The following BZW1 variants were observed in gnomAD, a reference collection of about 807,000 sequenced individuals.
The protein encoded by BZW1 is eIF5-mimic protein 2.
In BZW1, 3 loss-of-function variants were observed where a neutral mutation model predicts 54.1. The ratio of observed to expected loss-of-function variants is 0.06; its 90% CI spans 0.03 to 0.14. The LOEUF (loss-of-function observed/expected upper bound fraction) is 0.14, where lower values mean the gene tolerates loss of function less well. BZW1 is among the 10% of genes least tolerant of loss of function. The pLI, the probability that BZW1 is intolerant of heterozygous loss-of-function variation, is 1.00. For missense variants in BZW1, 206 were observed against 491.7 expected, an observed-to-expected ratio of 0.42 and a Z score of 5.50; for synonymous variants, 152 against 162.7, an observed-to-expected ratio of 0.93 and a Z score of 0.50.
rs1288809347 is a variant in BZW1, at chr2:200,826,401, ATAGATATTTTTT to A, written c.*4225_*4236del. 0.025 allele frequency: 1,606 copies of A among 65,042 alleles called. 105 individuals are homozygous for A. The highest frequency in any genetic ancestry group is 0.084 in the African/African-American group (1,500 of 17,962). 4.0% of individuals were successfully genotyped at this position (65,042 alleles called of 1,614,324 possible). A position where few individuals can be genotyped will look rare whatever the true frequency, so the allele number is the denominator to read the frequency against. ...GATAGATAGATAGATAGATAGATAG[ATAGATATTTTTT>A]TTTTTTTTTTTTTTTTTTTTTTTTT... On this transcript the variant is annotated 3_prime_UTR_variant, in exon 12 of 12. Coordinates refer to ENST00000409600, the MANE Select transcript of BZW1 (RefSeq NM_001207067.2).
At position 200,821,137 on chromosome 2, in the gene BZW1, G is replaced by T. The variant is rs201668856; in HGVS notation, c.1106-46G>T. 9.2e-4 allele frequency: 1,472 copies of T among 1,604,670 alleles called. 2 individuals are homozygous for T. The highest frequency in any genetic ancestry group is 1.5e-3 in the South Asian group (131 of 90,218). Reference sequence around the variant, plus strand: ...CATTAGGTGGTGGTTCTAACGCTGAGTAGAGTATATTAAAACTCCCTTAAT... The same window carrying T: ...CATTAGGTGGTGGTTCTAACGCTGATTAGAGTATATTAAAACTCCCTTAAT... On this transcript the variant is annotated intron_variant, in intron 10 of 11. Coordinates refer to ENST00000409600, the MANE Select transcript of BZW1 (RefSeq NM_001207067.2).
In BZW1 at chr2:200,825,906, A is replaced by G. The variant is rs2038677011; in HGVS notation, c.*3728A>G. 6.6e-6 allele frequency: 1 copy of G among 152,218 alleles called. No individual in the cohort carries two copies. The highest frequency in any genetic ancestry group is 2.4e-5 in the African/African-American group (1 of 41,450). The allele number at this position is 152,218 out of a possible 1,614,324, so 9.4% of individuals were successfully genotyped here. On this transcript the variant is annotated 3_prime_UTR_variant, in exon 12 of 12. Transcript: ENST00000409600. ...CAGATGCTGTCTACAGGTGCCATAT[A>G]AAATAGGTTGATAAGTATTTGCAAA...
At position 200,818,538 on chromosome 2, in the gene BZW1, A is replaced by G. The variant is rs892227803; in HGVS notation, c.819+145A>G. On this transcript the variant is annotated intron_variant, in intron 8 of 11. Coordinates refer to ENST00000409600, the MANE Select transcript of BZW1 (RefSeq NM_001207067.2). ...GGAACTTTGCCTCATTCTTTTGCAT[A>G]TGCTTCTTCAGTGCCTGACTGAGGC... 4 of 1,118,270 alleles carry G rather than the reference A, an allele frequency of 3.6e-6. No homozygotes were observed. The African/African-American group carries it at 4.7e-5, about 13-fold the overall frequency. 69.3% of individuals were successfully genotyped at this position (1,118,270 alleles called of 1,614,324 possible).
chr2:200,812,364 T>TGCG, intron 1 of BZW1: 1 of 1,283,294 alleles, frequency 7.8e-7, no homozygotes, highest in Non-Finnish European at 9.8e-7. Context: ...CCACCACCGC[T>TGCG]GCGGCCGCCG....
chr2:200,821,154 TC>T, intron 10 of BZW1, 28 bp from the exon 11 acceptor site: 1 of 1,608,852 alleles, frequency 6.2e-7, no homozygotes, highest in Non-Finnish European at 8.5e-7. Context: ...ATATTAAAAC[TC>T]CCTTAATGCA....
Position 200,813,213 on chromosome 2 carries a change from C to CTT in BZW1, c.-2_-1dup. On this transcript the variant is annotated 5_prime_UTR_variant, in exon 2 of 12. Coordinates refer to ENST00000409600, the MANE Select transcript of BZW1 (RefSeq NM_001207067.2). ...CTTTATTTCTCCTTTCCTAGGGTGT[C>CTT]TTTTATGAATAATCAAAAGCAGCAA... 6.2e-7 allele frequency: 1 copy of CTT among 1,613,018 alleles called. No homozygotes were observed. Among genetic ancestry groups the CTT allele is most frequent in the South Asian group, 1.1e-5 (1 of 91,052 alleles).
At chr2:200,820,795 C>T (rs2038480397) in intron 10 of BZW1, among the ~76,000 whole-genome samples, 1 of 152,170 alleles carries the variant, frequency 6.6e-6, no homozygotes, top group African/African-American at 2.4e-5. Flanking sequence ...CATCTTACTC[C>T]CCCACCCAGT....
intron 4 of BZW1, among the ~76,000 whole-genome samples, chr2:200,816,049 T>C (rs1309208099): frequency 6.6e-6 from 1 of 152,264 alleles, no homozygotes; most frequent in Non-Finnish European, 1.5e-5. Context: ...GTGATTTCTC[T>C]AGTTTATCTG....
At position 200,822,216 on chromosome 2, in the gene BZW1, T is replaced by G; in HGVS notation, c.*38T>G. Reference sequence around the variant, plus strand: ...CACCCTCAGTAAAGCAAACAGGAGTTGTAGATAAAATGTCATGTCTCATGT... The same window carrying G: ...CACCCTCAGTAAAGCAAACAGGAGTGGTAGATAAAATGTCATGTCTCATGT... On this transcript the variant is annotated 3_prime_UTR_variant, in exon 12 of 12. Transcript: ENST00000409600. 6.5e-7 allele frequency: 1 copy of G among 1,526,746 alleles called. No homozygotes were observed. Among genetic ancestry groups the G allele is most frequent in the African/African-American group, 1.4e-5 (1 of 73,068 alleles). The allele number at this position is 1,526,746 out of a possible 1,614,324, so 94.6% of individuals were successfully genotyped here.
chr2:200,826,422 T>TGA lies in BZW1; in HGVS notation c.*4244_*4245insGA, dbSNP rs1559318464. On this transcript the variant is annotated 3_prime_UTR_variant, in exon 12 of 12. Transcript: ENST00000409600. ...ATAGATAGATATTTTTTTTTTTTTT[T>TGA]TTTTTTTTTTTTTTTTTTTTGAGAC... 3.0e-5 allele frequency: 3 copies of TGA among 99,786 alleles called. No homozygotes were observed. The highest frequency in any genetic ancestry group is 3.5e-4 in the South Asian group (1 of 2,868). 6.2% of individuals were successfully genotyped at this position (99,786 alleles called of 1,614,324 possible). A position where few individuals can be genotyped will look rare whatever the true frequency, so the allele number is the denominator to read the frequency against.
chr2:200,818,183 T>G, intron 7 of BZW1, 40 bp from the exon 8 acceptor site: 1 of 1,520,712 alleles, frequency 6.6e-7, no homozygotes, highest in African/African-American at 1.4e-5. Context: ...TTTCTTAATC[T>G]GATTTAAAGA....
intron 1 of BZW1, 193 bp from the exon 2 acceptor site, chr2:200,813,013 GAA>G (rs756146568): frequency 5.8e-6 from 4 of 695,420 alleles, no homozygotes; most frequent in African/African-American, 3.5e-5. Context: ...CTTGTAGAGA[GAA>G]ATGCACATTT....
rs1323272976 is a variant in BZW1 at position 200,824,260 on chromosome 2, C to G, written c.*2082C>G. ...AGATTCCATTCCATATAAAAAGATT[C>G]CATTCTGAATCTTAAGTGGTAATTT... On this transcript the variant is annotated 3_prime_UTR_variant, in exon 12 of 12. Coordinates refer to ENST00000409600, the MANE Select transcript of BZW1 (RefSeq NM_001207067.2). 1 of 152,152 alleles carries G rather than the reference C, an allele frequency of 6.6e-6. No homozygotes were observed. Among genetic ancestry groups the G allele is most frequent in the East Asian group, 1.9e-4 (1 of 5,204 alleles). The allele number at this position is 152,152 out of a possible 1,614,324, so 9.4% of individuals were successfully genotyped here.
At chr2:200,813,493 AAGCCGG>A in intron 2 of BZW1, 1 of 423,116 alleles carries the variant, frequency 2.4e-6, no homozygotes, top group Admixed American at 4.1e-5. Flanking sequence ...ATATATCTCT[AAGCCGG>A]TTAGTGAATC....
At chr2:200,820,345 C>T (rs970753119) in intron 10 of BZW1, 15 of 385,926 alleles carry the variant, frequency 3.9e-5, no homozygotes, top group Admixed American at 1.8e-4. Context: ...CATCATTATG[C>T]GTCCTCAAAC....
Position 200,821,040 on chromosome 2 carries a change from G to GT in BZW1, c.1106-142dup, listed in dbSNP as rs2038489369. The GT allele has an allele frequency of 3.5e-5, 35 of 986,558 alleles. No homozygotes were observed. In the South Asian group the frequency reaches 5.4e-4, roughly 15 times the overall value. 61.1% of individuals were successfully genotyped at this position (986,558 alleles called of 1,614,324 possible). A position where few individuals can be genotyped will look rare whatever the true frequency, so the allele number is the denominator to read the frequency against. On this transcript the variant is annotated intron_variant, in intron 10 of 11. Coordinates refer to ENST00000409600, the MANE Select transcript of BZW1 (RefSeq NM_001207067.2). ...TTGAGTGTAGTTGGTATGCGCACATGTATTATTATCTTCCATTTCTCATGG... is the reference window on the plus strand; with the variant it reads ...TTGAGTGTAGTTGGTATGCGCACATGTTATTATTATCTTCCATTTCTCATGG...
In BZW1 at chr2:200,817,968, T is replaced by C. The variant is rs773025667; in HGVS notation, c.539-6T>C. 6 of 1,541,950 alleles carry C rather than the reference T, an allele frequency of 3.9e-6. No homozygotes were observed. The South Asian group carries it at 7.2e-5, about 18-fold the overall frequency. On this transcript the variant is annotated splice_polypyrimidine_tract_variant and splice_region_variant and intron_variant, in intron 6 of 11. Coordinates refer to ENST00000409600, the MANE Select transcript of BZW1 (RefSeq NM_001207067.2). ...CTTCTGTTAATTAAGCTATTTTCTT[T>C]TACAGGAGTTTCAGCAGCTTTTGCT...
chr2:200,820,271 G>T, intron 10 of BZW1, 151 bp downstream of exon 10: 1 of 629,696 alleles, frequency 1.6e-6, no homozygotes, highest in Middle Eastern at 3.6e-4. Flanking sequence ...GTGCTTTTTA[G>T]TGCACTGATA....
upstream of BZW1, chr2:200,811,822 T>A (rs1201261895): frequency 6.1e-6 from 1 of 164,516 alleles, no homozygotes; most frequent in African/African-American, 2.4e-5. Flanking sequence ...GAAGCGCCTG[T>A]CCACGATCAG....
Sources: gnomAD v4.1 joint callset for allele counts (sites outside exome capture counted in the v4.1 genomes callset) on GRCh38, gnomAD v4.1.1 for gene constraint, MANE v1.5 for transcripts, NCBI Gene and HGNC (gene_info 2026-07-23, HGNC 2026-07-21) for gene names.